CFAP300: variants seen among roughly 807,000 people sequenced by gnomAD.
CFAP300 encodes cilia and flagella associated protein 300.
In CFAP300, 32 loss-of-function variants were observed where a neutral mutation model predicts 33.0. That is an observed-to-expected ratio of 0.97 (90% CI 0.73 to 1.30). CFAP300 has a LOEUF of 1.30. Ranked by LOEUF, CFAP300 falls within the 50% of genes most tolerant of loss-of-function variation. The probability of loss-of-function intolerance (pLI) is 0.00; values close to 1 mark genes in which losing one functional copy is unlikely to be tolerated. For missense variants in CFAP300, 356 were observed against 318.1 expected (o/e 1.12, Z -0.90); for synonymous variants, 102 against 106.8 (o/e 0.95, Z 0.28).
chr11:102,057,537 T>A (rs1318086160), intron 2 of CFAP300, among the ~76,000 whole-genome samples: 1 of 152,130 alleles, frequency 6.6e-6, no homozygotes, highest in Non-Finnish European at 1.5e-5. Flanking sequence ...TTTCTTTTGT[T>A]TATTGCTCTT....
rs1405102663 is a variant in CFAP300, at chr11:102,078,165, T to TTACAGGTGTAAGCCGC, written c.608+2121_608+2136dup. On this transcript the variant is annotated intron_variant, in intron 5 of 6. Coordinates refer to ENST00000434758, the MANE Select transcript of CFAP300 (RefSeq NM_032930.3). ...GCCTCAGCCTCCCAAAGTGCTGGGA[T>TTACAGGTGTAAGCCGC]TACAGGTGTAAGCCGCCGCGCCCAG... Among the ~76,000 whole-genome samples, 10 of 152,176 alleles carry TTACAGGTGTAAGCCGC rather than the reference T, an allele frequency of 6.6e-5. No individual in the cohort carries two copies. The South Asian group carries it at 1.7e-3, about 25-fold the overall frequency.
intron 5 of CFAP300, among the ~76,000 whole-genome samples, chr11:102,079,549 A>G (rs1047227493): frequency 6.6e-6 from 1 of 152,192 alleles, no homozygotes; most frequent in African/African-American, 2.4e-5. Context: ...CATCCCCAAA[A>G]GGTACACAAG....
At chr11:102,076,181 C>T in intron 5 of CFAP300, 136 bp downstream of exon 5, 1 of 912,190 alleles carries the variant, frequency 1.1e-6, no homozygotes. Flanking sequence ...ACCCTTACCC[C>T]CCTCTCATAA....
At chr11:102,052,670 T>C (rs1346681306) in intron 2 of CFAP300, among the ~76,000 whole-genome samples, 1 of 152,234 alleles carries the variant, frequency 6.6e-6, no homozygotes, top group Non-Finnish European at 1.5e-5. Flanking sequence ...ATTTATTAAA[T>C]GGTTTTTCAT....
At chr11:102,057,238 C>T (rs1942073638) in intron 2 of CFAP300, among the ~76,000 whole-genome samples, 1 of 151,044 alleles carries the variant, frequency 6.6e-6, no homozygotes, top group South Asian at 2.1e-4. Context: ...ACTCAGGAGA[C>T]TGAGACAGGA....
rs1242941694 is a variant in CFAP300 at position 102,047,445 on chromosome 11, C to G, written c.-26C>G. On this transcript the variant is annotated 5_prime_UTR_variant, in exon 1 of 7. Coordinates refer to ENST00000434758, the MANE Select transcript of CFAP300 (RefSeq NM_032930.3). ...CCGCCGCGTCTCCATGGAAACGGCC[C>G]AGGCATCCACCCAGCCGAGAGCACG... The G allele has an allele frequency of 6.6e-7, 1 of 1,524,460 alleles. No individual in the cohort carries two copies. Among genetic ancestry groups the G allele is most frequent in the South Asian group, 1.2e-5 (1 of 83,782 alleles). The allele number at this position is 1,524,460 out of a possible 1,614,324, so 94.4% of individuals were successfully genotyped here. A position where few individuals can be genotyped will look rare whatever the true frequency, so the allele number is the denominator to read the frequency against.
At chr11:102,070,289 T>G (rs1372071642) in intron 4 of CFAP300, among the ~76,000 whole-genome samples, 2 of 152,214 alleles carry the variant, frequency 1.3e-5, no homozygotes, top group Non-Finnish European at 2.9e-5. Context: ...ATAAATAAAC[T>G]GTGTATGGAC....
chr11:102,048,453 C>T (rs189510846), intron 2 of CFAP300, among the ~76,000 whole-genome samples: 1 of 152,268 alleles, frequency 6.6e-6, no homozygotes, highest in Admixed American at 6.5e-5. Context: ...TCCCCGGGCT[C>T]CCAAAGTGCT....
At chr11:102,081,390 C>G (rs1435639245) in intron 6 of CFAP300, 109 bp downstream of exon 6, 4 of 855,876 alleles carry the variant, frequency 4.7e-6, no homozygotes, top group Non-Finnish European at 7.4e-6. Context: ...GGAGAAAAGA[C>G]AATGTTATTT....
chr11:102,051,058 T>C (rs545265987), intron 2 of CFAP300, among the ~76,000 whole-genome samples: 10 of 152,136 alleles, frequency 6.6e-5, no homozygotes, highest in South Asian at 6.2e-4. Context: ...TGGTAAGATA[T>C]TGAGAGTAAA....
intron 5 of CFAP300, among the ~76,000 whole-genome samples, chr11:102,076,550 A>G (rs1045280465): frequency 6.6e-6 from 1 of 152,244 alleles, no homozygotes. Flanking sequence ...ATCAAATGAG[A>G]ATTAAAACCT....
chr11:102,076,769 C>T (rs1336508690), intron 5 of CFAP300, among the ~76,000 whole-genome samples: 5 of 152,198 alleles, frequency 3.3e-5, no homozygotes, highest in African/African-American at 1.2e-4. Context: ...TTATACTCAA[C>T]ACCTTAATTC....
At chr11:102,048,876 C>T in intron 2 of CFAP300, among the ~76,000 whole-genome samples, 1 of 152,010 alleles carries the variant, frequency 6.6e-6, no homozygotes, top group Non-Finnish European at 1.5e-5. Flanking sequence ...CATTCTCTGC[C>T]ATTCATGTCC....
At chr11:102,072,989 G>A (rs1025770423) in intron 4 of CFAP300, among the ~76,000 whole-genome samples, 1 of 152,140 alleles carries the variant, frequency 6.6e-6, no homozygotes, top group African/African-American at 2.4e-5. Context: ...GGACAGGTAG[G>A]CCAGTTTTTG....
At position 102,051,749 on chromosome 11, in the gene CFAP300, A is replaced by G. The variant is rs183988496; in HGVS notation, c.192+3853A>G. On this transcript the variant is annotated intron_variant, in intron 2 of 6. Transcript: ENST00000434758. ...TTTTTAATAGAGACAGGGTCTCACT[A>G]TGTTGCCCGGGCTGGTCTCAAACTC... 4.0e-3 allele frequency among the ~76,000 whole-genome samples: 616 copies of G among 152,208 alleles called. 3 individuals carry two copies. Among genetic ancestry groups the G allele is most frequent in the African/African-American group, 8.4e-3 (349 of 41,536 alleles).
At chr11:102,061,637 A>G (rs966488861) in intron 3 of CFAP300, among the ~76,000 whole-genome samples, 1 of 152,210 alleles carries the variant, frequency 6.6e-6, no homozygotes. Context: ...ATTATATATC[A>G]CTATTTTACA....
At chr11:102,065,506 C>A (rs903874419) in intron 3 of CFAP300, among the ~76,000 whole-genome samples, 2 of 152,016 alleles carry the variant, frequency 1.3e-5, no homozygotes, top group African/African-American at 2.4e-5. Flanking sequence ...GTTGCTCATG[C>A]CTGCAATTCC....
chr11:102,060,661 T>TTAGAAGGAGAATCTGATTGGTGATA (rs1233474051), intron 3 of CFAP300, among the ~76,000 whole-genome samples: 1 of 152,130 alleles, frequency 6.6e-6, no homozygotes, highest in Non-Finnish European at 1.5e-5. Flanking sequence ...AACGTTCCAT[T>TTAGAAGGAGAATCTGATTGGTGATA]TAGAAGGAGA....
At chr11:102,080,968 T>A (rs1565399221) in intron 5 of CFAP300, among the ~76,000 whole-genome samples, 1 of 152,222 alleles carries the variant, frequency 6.6e-6, no homozygotes, top group East Asian at 1.9e-4. Flanking sequence ...AATTTCATCA[T>A]CTGAGTCTCA....
Sources: gnomAD v4.1 joint callset for allele counts (sites outside exome capture counted in the v4.1 genomes callset) on GRCh38, gnomAD v4.1.1 for gene constraint, MANE v1.5 for transcripts, NCBI Gene and HGNC (gene_info 2026-07-23, HGNC 2026-07-21) for gene names.